TRDMT1: variants seen among roughly 807,000 people sequenced by gnomAD.
The protein encoded by TRDMT1 is tRNA (cytosine(38)-C(5))-methyltransferase.
In TRDMT1, 49 loss-of-function variants were observed where a neutral mutation model predicts 51.2. That is an observed-to-expected ratio of 0.96 (90% CI 0.76 to 1.21). The LOEUF (loss-of-function observed/expected upper bound fraction) is 1.21. TRDMT1 is among the 50% of genes most tolerant of loss of function. The pLI is 0.00. For missense variants in TRDMT1, 534 were observed against 462.3 expected (o/e 1.16, Z -1.42); for synonymous variants, 187 against 164.6 (o/e 1.14, Z -1.04).
intron 10 of TRDMT1, chr10:17,151,807 A>G (rs1162316499): frequency 1.2e-6 from 1 of 853,902 alleles, no homozygotes; most frequent in Non-Finnish European, 1.4e-6. Context: ...ATATTAGATA[A>G]GAATTTCATA....
In TRDMT1 at chr10:17,144,802, A is replaced by C. The variant is rs745354284; in HGVS notation, c.*4238T>G. On this transcript the variant is annotated 3_prime_UTR_variant, in exon 11 of 11. Transcript: ENST00000377799. ...CGGAAGCTAGAAACAACAACAACAAAAAATACTTTTTCTTTTTTTTTTTAA... is the reference window on the plus strand; with the variant it reads ...CGGAAGCTAGAAACAACAACAACAACAAATACTTTTTCTTTTTTTTTTTAA... The C allele has an allele frequency of 2.4e-5, 24 of 985,282 alleles. No individual in the cohort carries two copies. Among genetic ancestry groups the C allele is most frequent in the Non-Finnish European group, 2.8e-5 (23 of 829,916 alleles). The allele number at this position is 985,282 out of a possible 1,614,324, so 61.0% of individuals were successfully genotyped here.
At chr10:17,200,633 T>C (rs1229585244) in intron 1 of TRDMT1, 1 of 164,512 alleles carries the variant, frequency 6.1e-6, no homozygotes, top group Non-Finnish European at 1.5e-5. Flanking sequence ...TGTCATTCTG[T>C]ATCCCCAGCT....
intron 3 of TRDMT1, among the ~76,000 whole-genome samples, chr10:17,162,860 A>G (rs971745112): frequency 2.6e-5 from 4 of 152,222 alleles, no homozygotes; most frequent in South Asian, 2.1e-4. Flanking sequence ...AATGACTTAC[A>G]TTAATCAAAA....
At chr10:17,150,681 C>T (rs1838576216) in intron 10 of TRDMT1, 1 of 984,626 alleles carries the variant, frequency 1.0e-6, no homozygotes, top group African/African-American at 1.7e-5. Flanking sequence ...TTCATATACT[C>T]ATGAGGACAG....
At chr10:17,169,678 T>C in intron 2 of TRDMT1, 1 of 464,376 alleles carries the variant, frequency 2.2e-6, no homozygotes, top group Non-Finnish European at 3.9e-6. Flanking sequence ...ATAGCCCACT[T>C]CTAAGAAGTT....
chr10:17,177,859 CTTCTT>C (rs768757239), intron 1 of TRDMT1, among the ~76,000 whole-genome samples: 2 of 152,024 alleles, frequency 1.3e-5, no homozygotes, highest in Non-Finnish European at 2.9e-5. Context: ...AGTTCACACT[CTTCTT>C]GACTTTCCTA....
intron 2 of TRDMT1, among the ~76,000 whole-genome samples, chr10:17,173,670 G>A (rs761267575): frequency 1.4e-4 from 21 of 151,520 alleles, no homozygotes; most frequent in Non-Finnish European, 2.8e-4. Flanking sequence ...TTAAAATTAC[G>A]TACAATAAAC....
intron 8 of TRDMT1, 152 bp downstream of exon 8, chr10:17,157,289 T>C (rs1449937599): frequency 1.5e-6 from 1 of 677,862 alleles, no homozygotes; most frequent in African/African-American, 1.8e-5. Context: ...TGTGTTCTAC[T>C]GGAACATGAA....
chr10:17,160,194 C>A (rs1328546740), intron 6 of TRDMT1, 111 bp downstream of exon 6: 1 of 618,244 alleles, frequency 1.6e-6, no homozygotes, highest in Non-Finnish European at 2.5e-6. Flanking sequence ...TTTCAGTTTA[C>A]CTATAATATT....
chr10:17,155,457 C>G (rs879333684), intron 8 of TRDMT1, among the ~76,000 whole-genome samples: 1 of 152,088 alleles, frequency 6.6e-6, no homozygotes, highest in Non-Finnish European at 1.5e-5. Context: ...TTTTATCAGG[C>G]CTGAACCATC....
At position 17,144,914 on chromosome 10, in the gene TRDMT1, T is replaced by C; in HGVS notation, c.*4126A>G. 1.0e-6 allele frequency: 1 copy of C among 985,224 alleles called. No homozygotes were observed. Among genetic ancestry groups the C allele is most frequent in the Non-Finnish European group, 1.2e-6 (1 of 829,888 alleles). The allele number at this position is 985,224 out of a possible 1,614,324, so 61.0% of individuals were successfully genotyped here. A position where few individuals can be genotyped will look rare whatever the true frequency, so the allele number is the denominator to read the frequency against. On this transcript the variant is annotated 3_prime_UTR_variant, in exon 11 of 11. Transcript: ENST00000377799. ...CAGGTTGACTCATGCAAACTGAAAC[T>C]AAAGAACATGTGCAAGATGCTTAAT...
chr10:17,151,250 C>T, intron 10 of TRDMT1: 1 of 957,572 alleles, frequency 1.0e-6, no homozygotes. Flanking sequence ...TAAAAGACAA[C>T]TTTTAAAAAA....
chr10:17,161,972 G>A (rs1430671059), intron 4 of TRDMT1, among the ~76,000 whole-genome samples, 194 bp downstream of exon 4: 4 of 152,204 alleles, frequency 2.6e-5, no homozygotes, highest in African/African-American at 4.8e-5. Context: ...GTCACTCACC[G>A]TGGTGGCAAG....
intron 8 of TRDMT1, 41 bp downstream of exon 8, chr10:17,157,400 G>T: frequency 6.8e-7 from 1 of 1,464,112 alleles, no homozygotes; most frequent in Non-Finnish European, 9.1e-7. Flanking sequence ...TAAAAAACCT[G>T]GTTATTTTGG....
chr10:17,144,774 A>C lies in TRDMT1; in HGVS notation c.*4266T>G, dbSNP rs564270524. ...ATGTTCCTAGACAGCCTAAAGAGAG[A>C]AACGGAAGCTAGAAACAACAACAAC... On this transcript the variant is annotated 3_prime_UTR_variant, in exon 11 of 11. Coordinates refer to ENST00000377799, the MANE Select transcript of TRDMT1 (RefSeq NM_004412.7). 1,699 of 985,394 alleles carry C rather than the reference A, an allele frequency of 1.7e-3. 5 individuals are homozygous for C. The highest frequency in any genetic ancestry group is 1.9e-3 in the Non-Finnish European group (1,563 of 829,908). 61.0% of individuals were successfully genotyped at this position (985,394 alleles called of 1,614,324 possible). A position where few individuals can be genotyped will look rare whatever the true frequency, so the allele number is the denominator to read the frequency against.
intron 1 of TRDMT1, among the ~76,000 whole-genome samples, chr10:17,195,955 G>A (rs7916058): frequency 0.8 from 122,155 of 152,042 alleles, 49,390 homozygotes; most frequent in Middle Eastern, 0.88. Context: ...AAATTAAGCG[G>A]TTCATAGGCC....
intron 8 of TRDMT1, 31 bp downstream of exon 8, chr10:17,157,410 G>A: frequency 6.7e-7 from 1 of 1,490,222 alleles, no homozygotes; most frequent in South Asian, 1.4e-5. Context: ...GGTTATTTTG[G>A]ATACAGGATC....
In TRDMT1 at chr10:17,143,344, A is replaced by G; in HGVS notation, c.*5696T>C. On this transcript the variant is annotated 3_prime_UTR_variant, in exon 11 of 11. Coordinates refer to ENST00000377799, the MANE Select transcript of TRDMT1 (RefSeq NM_004412.7). ...TGTGGAAGTTTACATTCTCTAAAAC[A>G]TGAAACATTTTCCATTTTTAAAACT... 1.0e-6 allele frequency: 1 copy of G among 985,474 alleles called. No individual in the cohort carries two copies. Among genetic ancestry groups the G allele is most frequent in the Non-Finnish European group, 1.2e-6 (1 of 829,928 alleles). 61.0% of individuals were successfully genotyped at this position (985,474 alleles called of 1,614,324 possible).
intron 1 of TRDMT1, chr10:17,200,468 T>C (rs1347590637): frequency 6.0e-6 from 1 of 167,832 alleles, no homozygotes; most frequent in Non-Finnish European, 1.5e-5. Flanking sequence ...ACTCAATAAA[T>C]CTGCTCAAAA....
Sources: allele counts gnomAD v4.1 joint callset (sites outside exome capture counted in the v4.1 genomes callset), GRCh38; gene constraint gnomAD v4.1.1; transcripts MANE v1.5; gene names NCBI Gene and HGNC (gene_info 2026-07-23, HGNC 2026-07-21).